The following ABI1 variants were observed in gnomAD, a reference collection of about 807,000 sequenced individuals.
The protein encoded by ABI1 is Abelson interactor 1.
Under a neutral mutation model 54.6 loss-of-function variants are expected in ABI1, and 14 were observed. That is an observed-to-expected ratio of 0.26 (90% CI 0.17 to 0.40). The LOEUF (loss-of-function observed/expected upper bound fraction) is 0.40, where lower values mean the gene tolerates loss of function less well. ABI1 is among the 10% of genes least tolerant of loss of function. The pLI is 1.00. For missense variants in ABI1, 443 were observed against 598.3 expected (o/e 0.74, Z 2.71); for synonymous variants, 194 against 209.3 (o/e 0.93, Z 0.63).
chr10:26,821,437 T>C (rs941297466), intron 2 of ABI1, among the ~76,000 whole-genome samples: 13 of 152,018 alleles, frequency 8.6e-5, no homozygotes, highest in African/African-American at 3.1e-4. Context: ...AAAAGAAAGA[T>C]GACACCAATT....
chr10:26,810,425 T>C (rs2047157231), intron 2 of ABI1, among the ~76,000 whole-genome samples: 1 of 152,226 alleles, frequency 6.6e-6, no homozygotes, highest in African/African-American at 2.4e-5. Context: ...AAATGTTACT[T>C]ACTATAAATA....
chr10:26,783,749 T>G (rs1478911723), intron 2 of ABI1, among the ~76,000 whole-genome samples: 1 of 152,208 alleles, frequency 6.6e-6, no homozygotes, highest in Non-Finnish European at 1.5e-5. Context: ...CACCTGGAAT[T>G]GACGATCTGG....
chr10:26,794,346 C>G (rs1453835648), intron 2 of ABI1, among the ~76,000 whole-genome samples: 1 of 151,992 alleles, frequency 6.6e-6, no homozygotes, highest in Non-Finnish European at 1.5e-5. Flanking sequence ...GAGGTTGAAG[C>G]TGCAGTAAAC....
At chr10:26,781,733 C>T (rs952390246) in intron 2 of ABI1, among the ~76,000 whole-genome samples, 4 of 152,134 alleles carry the variant, frequency 2.6e-5, no homozygotes, top group African/African-American at 9.7e-5. Flanking sequence ...TGTCCAAAAA[C>T]CATGGAGATC....
intron 1 of ABI1, among the ~76,000 whole-genome samples, chr10:26,843,487 T>A (rs2477940): frequency 0.088 from 1,526 of 17,254 alleles, 18 homozygotes; most frequent in East Asian, 0.14. Context: ...AAAAAAAAAA[T>A]ATATATATAT....
chr10:26,814,347 A>AT (rs1189238243), intron 2 of ABI1, among the ~76,000 whole-genome samples: 2 of 152,222 alleles, frequency 1.3e-5, no homozygotes, highest in Admixed American at 1.3e-4. Context: ...GTCACAAACT[A>AT]TAACATCAGA....
At chr10:26,857,252 T>C (rs1434191012) in intron 1 of ABI1, among the ~76,000 whole-genome samples, 1 of 126,672 alleles carries the variant, frequency 7.9e-6, no homozygotes, top group Non-Finnish European at 1.6e-5. Flanking sequence ...ACCCAGGAGG[T>C]GGAGGTTGCA....
intron 1 of ABI1, chr10:26,839,745 G>A (rs927900445): frequency 1.4e-6 from 1 of 701,250 alleles, no homozygotes; most frequent in African/African-American, 1.8e-5. Flanking sequence ...GAGGCCAGGA[G>A]TTTGAGAGCA....
Position 26,765,325 on chromosome 10 carries a change from A to C in ABI1, c.720-7T>G, listed in dbSNP as rs200581000. The C allele has an allele frequency of 6.4e-7, 1 of 1,569,022 alleles. No homozygotes were observed. The highest frequency in any genetic ancestry group is 8.6e-7 in the Non-Finnish European group (1 of 1,162,762). ...ACTTCCTCCACTACTTCCACTGAAA[A>C]GAAAAAAAAAAACTGTGAAAAACCA... On this transcript the variant is annotated splice_region_variant and splice_polypyrimidine_tract_variant and intron_variant, in intron 6 of 10. Transcript: ENST00000376140.
At chr10:26,802,998 A>T (rs1415842344) in intron 2 of ABI1, among the ~76,000 whole-genome samples, 2 of 152,234 alleles carry the variant, frequency 1.3e-5, no homozygotes, top group East Asian at 1.9e-4. Context: ...TCTGTCATGC[A>T]GGAGTATATA....
Position 26,788,777 on chromosome 10 carries a change from T to C in ABI1, c.286-11536A>G, listed in dbSNP as rs540473176. Among the ~76,000 whole-genome samples the C allele has an allele frequency of 7.2e-5, 11 of 151,858 alleles. No homozygotes were observed. The East Asian group carries it at 1.5e-3, about 21-fold the overall frequency. On this transcript the variant is annotated intron_variant, in intron 2 of 10. Coordinates refer to ENST00000376140, the MANE Select transcript of ABI1 (RefSeq NM_001012750.3). ...AATACAAAAAATTAGCTGGGCGTGG[T>C]TGGCGGACGCCTGTAGTCCCAGCTA...
intron 2 of ABI1, among the ~76,000 whole-genome samples, chr10:26,795,141 C>CA (rs200953543): frequency 0.088 from 9,753 of 110,534 alleles, 444 homozygotes; most frequent in East Asian, 0.22. Flanking sequence ...GAGACTGTCT[C>CA]AAAAAAAAAA....
intron 1 of ABI1, among the ~76,000 whole-genome samples, chr10:26,824,711 T>TA (rs11435784): frequency 0.18 from 26,598 of 148,722 alleles, 2,446 homozygotes; most frequent in Admixed American, 0.23. Context: ...ACCTTGGCAT[T>TA]AAAAAAAAAA....
chr10:26,823,407 A>C, intron 1 of ABI1, 102 bp from the exon 2 acceptor site: 1 of 981,180 alleles, frequency 1.0e-6, no homozygotes, highest in Admixed American at 4.0e-5. Context: ...AGAGAAATTC[A>C]ATAAAAAAAA....
At chr10:26,760,904 A>G (rs1196344374) in intron 7 of ABI1, among the ~76,000 whole-genome samples, 4 of 150,948 alleles carry the variant, frequency 2.6e-5, no homozygotes, top group African/African-American at 9.7e-5. Context: ...AAAAAAAAAA[A>G]AAAAAAAAAA....
intron 2 of ABI1, among the ~76,000 whole-genome samples, chr10:26,813,790 G>C (rs531685094): frequency 2.6e-5 from 4 of 152,082 alleles, no homozygotes; most frequent in Non-Finnish European, 5.9e-5. Flanking sequence ...ATTTGTTTTG[G>C]ATAACAGTTT....
chr10:26,796,954 C>T (rs192578572), intron 2 of ABI1, among the ~76,000 whole-genome samples: 62 of 152,244 alleles, frequency 4.1e-4, no homozygotes, highest in African/African-American at 1.4e-3. Flanking sequence ...GAATCTAATG[C>T]CACAGCTAAT....
rs190346221 is a variant in ABI1, at chr10:26,853,373, T to C, written c.117+7374A>G. ...TAAATATTAAGATCTACAAAGTTTGTAGTTCTGGGGTTTGACTATTATTTC... is the reference window on the plus strand; with the variant it reads ...TAAATATTAAGATCTACAAAGTTTGCAGTTCTGGGGTTTGACTATTATTTC... On this transcript the variant is annotated intron_variant, in intron 1 of 10. Transcript: ENST00000376140. Among the ~76,000 whole-genome samples the C allele has an allele frequency of 1.4e-4, 21 of 151,980 alleles. No individual in the cohort carries two copies. In the Middle Eastern group the frequency reaches 0.01, roughly 74 times the overall value.
At chr10:26,820,026 T>G (rs780806100) in intron 2 of ABI1, among the ~76,000 whole-genome samples, 3 of 152,098 alleles carry the variant, frequency 2.0e-5, no homozygotes, top group Admixed American at 2.0e-4. Context: ...TGTCAGAGAC[T>G]AGGGGGTAAG....
Sources: allele counts gnomAD v4.1 joint callset (sites outside exome capture counted in the v4.1 genomes callset), GRCh38; gene constraint gnomAD v4.1.1; transcripts MANE v1.5; gene names NCBI Gene and HGNC (gene_info 2026-07-23, HGNC 2026-07-21).